Variants in SH3BGR observed in about 807,000 individuals in gnomAD.
SH3BGR encodes the protein SH3 domain-binding glutamic acid-rich protein.
In SH3BGR, 29 loss-of-function variants were observed where a neutral mutation model predicts 24.5. The observed-to-expected ratio is 1.18, with a 90% CI of 0.88 to 1.61. The LOEUF (loss-of-function observed/expected upper bound fraction) is 1.61. SH3BGR is among the 40% of genes most tolerant of loss of function. SH3BGR has a pLI of 0.00. For missense variants in SH3BGR, 162 were observed against 205.8 expected (o/e 0.79, Z 1.30); for synonymous variants, 55 against 65.7 (o/e 0.84, Z 0.79).
intron 3 of SH3BGR, among the ~76,000 whole-genome samples, chr21:39,497,836 T>C (rs1283341097): frequency 1.3e-5 from 2 of 152,206 alleles, no homozygotes; most frequent in African/African-American, 4.8e-5. Flanking sequence ...TCATCTTCAC[T>C]GGTTATGAGG....
intron 3 of SH3BGR, chr21:39,488,643 A>G: frequency 2.9e-6 from 1 of 349,752 alleles, no homozygotes. Context: ...TTGACAAGGA[A>G]GAGAAGGGCA....
intron 2 of SH3BGR, among the ~76,000 whole-genome samples, chr21:39,466,824 C>T (rs2077851166): frequency 6.6e-6 from 1 of 152,176 alleles, no homozygotes; most frequent in Admixed American, 6.5e-5. Context: ...GGTGGGGACA[C>T]AGCCAAACCA....
In SH3BGR at chr21:39,510,365, TACAC is replaced by T. The variant is rs34333255; in HGVS notation, c.436-1292_436-1289del. Reference sequence around the variant, plus strand: ...CCCAGAGATAACCACTGTAGCTACATACACACACACACACACACACACACACTGT... The same window carrying T: ...CCCAGAGATAACCACTGTAGCTACATACACACACACACACACACACACTGT... On this transcript the variant is annotated intron_variant, in intron 5 of 6. Transcript: ENST00000333634. 1.0e-3 allele frequency among the ~76,000 whole-genome samples: 116 copies of T among 115,836 alleles called. 2 individuals are homozygous for T. Among genetic ancestry groups the T allele is most frequent in the African/African-American group, 2.2e-3 (69 of 30,860 alleles). The allele number at this position is 115,836 out of a possible 152,430, so 76.0% of individuals were successfully genotyped here. A position where few individuals can be genotyped will look rare whatever the true frequency, so the allele number is the denominator to read the frequency against.
In SH3BGR at chr21:39,452,704, C is replaced by T. The variant is rs1299759257; in HGVS notation, c.45+563C>T. ...TCTCAGGCCACAGTTATAAACACTC[C>T]AGGCATTCAGACGGCCCCAAAATAA... is the stretch of plus-strand genomic sequence containing the variant. On this transcript the variant is annotated intron_variant, in intron 1 of 6. Coordinates refer to ENST00000333634, the MANE Select transcript of SH3BGR (RefSeq NM_007341.3). Among the ~76,000 whole-genome samples, 3 of 152,286 alleles carry T rather than the reference C, an allele frequency of 2.0e-5. No homozygotes were observed. In the East Asian group the frequency reaches 5.8e-4, roughly 29 times the overall value.
intron 4 of SH3BGR, among the ~76,000 whole-genome samples, chr21:39,507,690 C>T (rs147649108): frequency 6.6e-6 from 1 of 151,216 alleles, no homozygotes; most frequent in Non-Finnish European, 1.5e-5. Flanking sequence ...TTGTCACCCA[C>T]GCTGGAGTGC....
chr21:39,502,218 G>C (rs2078506868), intron 4 of SH3BGR, among the ~76,000 whole-genome samples: 1 of 152,148 alleles, frequency 6.6e-6, no homozygotes, highest in Admixed American at 6.5e-5. Flanking sequence ...ATTTGTAAAG[G>C]CATCTCTCCT....
intron 2 of SH3BGR, among the ~76,000 whole-genome samples, chr21:39,465,418 G>T (rs116508992): frequency 0.014 from 2,135 of 152,246 alleles, 42 homozygotes; most frequent in African/African-American, 0.047. Context: ...TCTGTAGCTC[G>T]TCCTACTCTG....
At chr21:39,450,151 T>C (rs2077556961), upstream of SH3BGR, among the ~76,000 whole-genome samples, 1 of 152,198 alleles carries the variant, frequency 6.6e-6, no homozygotes, top group African/African-American at 2.4e-5. Context: ...TGTGAAAATA[T>C]ATAATTGTAT....
At chr21:39,492,308 A>G (rs982238622) in intron 3 of SH3BGR, among the ~76,000 whole-genome samples, 2 of 151,864 alleles carry the variant, frequency 1.3e-5, no homozygotes, top group African/African-American at 4.8e-5. Flanking sequence ...TTTAGCTCCC[A>G]CTTTTGAGTG....
intron 4 of SH3BGR, among the ~76,000 whole-genome samples, chr21:39,504,800 A>G (rs1033173703): frequency 2.3e-4 from 35 of 152,208 alleles, no homozygotes; most frequent in African/African-American, 6.0e-4. Flanking sequence ...TTATAATTCT[A>G]TGAACCAAGG....
Position 39,511,419 on chromosome 21 carries a change from T to TG in SH3BGR, c.436-254dup, listed in dbSNP as rs112545004. Among the ~76,000 whole-genome samples, 10 of 149,460 alleles carry TG rather than the reference T, an allele frequency of 6.7e-5. No individual in the cohort carries two copies. Among genetic ancestry groups the TG allele is most frequent in the East Asian group, 2.0e-4 (1 of 5,062 alleles). On this transcript the variant is annotated intron_variant, in intron 5 of 6. Transcript: ENST00000333634. This position sits in a 1 kb window ranked among gnomAD's most constrained non-coding sequence, Gnocchi z 4.2. ...CGTGGATGTGTGTCTGGGTGGTGTGTGGGGGGGTGTGTGTGCTGTGTGTCA... is the reference window on the plus strand; with the variant it reads ...CGTGGATGTGTGTCTGGGTGGTGTGTGGGGGGGGTGTGTGTGCTGTGTGTCA...
At chr21:39,458,803 C>T (rs558371565) in intron 1 of SH3BGR, among the ~76,000 whole-genome samples, 33 of 151,918 alleles carry the variant, frequency 2.2e-4, no homozygotes, top group African/African-American at 3.4e-4. Flanking sequence ...TGCGCCACCA[C>T]GCCTGGCTCA....
At chr21:39,496,724 G>A (rs2078404002) in intron 3 of SH3BGR, among the ~76,000 whole-genome samples, 1 of 152,044 alleles carries the variant, frequency 6.6e-6, no homozygotes, top group South Asian at 2.1e-4. Context: ...CCCATTCATG[G>A]TAGTGATAAA....
At chr21:39,465,982 C>G (rs1316412499) in intron 2 of SH3BGR, among the ~76,000 whole-genome samples, 1 of 152,132 alleles carries the variant, frequency 6.6e-6, no homozygotes, top group Non-Finnish European at 1.5e-5. Context: ...TTGTTTTCAG[C>G]CTCTCCCCCT....
intron 3 of SH3BGR, among the ~76,000 whole-genome samples, chr21:39,495,520 C>T (rs1444273605): frequency 6.6e-6 from 1 of 151,078 alleles, no homozygotes; most frequent in Non-Finnish European, 1.5e-5. Context: ...TGCTCTGTCA[C>T]CCAGGTGGGA....
intron 2 of SH3BGR, among the ~76,000 whole-genome samples, chr21:39,465,700 C>T (rs2077830200): frequency 6.6e-6 from 1 of 152,120 alleles, no homozygotes; most frequent in Non-Finnish European, 1.5e-5. Context: ...AAGCGATCCT[C>T]CTGTGTCAGA....
chr21:39,478,462 A>G (rs947865123), intron 3 of SH3BGR, among the ~76,000 whole-genome samples: 2 of 152,126 alleles, frequency 1.3e-5, no homozygotes, highest in Admixed American at 6.5e-5. Flanking sequence ...TTTAGGGTCC[A>G]ATTTTTTGGT....
At chr21:39,478,463 AT>A (rs1182926421) in intron 3 of SH3BGR, among the ~76,000 whole-genome samples, 2 of 152,206 alleles carry the variant, frequency 1.3e-5, no homozygotes, top group Non-Finnish European at 2.9e-5. Flanking sequence ...TTAGGGTCCA[AT>A]TTTTTGGTTT....
intron 4 of SH3BGR, among the ~76,000 whole-genome samples, chr21:39,502,097 C>T (rs756051462): frequency 2.0e-5 from 3 of 152,254 alleles, no homozygotes; most frequent in Non-Finnish European, 2.9e-5. Flanking sequence ...CGCTTGAACC[C>T]GGGAGGCAGA....
Sources: allele counts gnomAD v4.1 joint callset (sites outside exome capture counted in the v4.1 genomes callset), GRCh38; gene constraint gnomAD v4.1.1; non-coding constraint Gnocchi (gnomAD v3.1); transcripts MANE v1.5; gene names NCBI Gene and HGNC (gene_info 2026-07-23, HGNC 2026-07-21).